Variants in BTNL8 observed in about 807,000 individuals in gnomAD.
BTNL8 encodes the protein butyrophilin like 8.
BTNL8 carries 22 observed loss-of-function variants against 36.1 expected under a neutral mutation model. The ratio of observed to expected loss-of-function variants is 0.61; its 90% confidence interval spans 0.44 to 0.87. The LOEUF (loss-of-function observed/expected upper bound fraction) is 0.87. Among genes scored for constraint, BTNL8 ranks in the 40% least tolerant of loss-of-function variants. BTNL8 has a pLI of 0.00. For synonymous variants in BTNL8, 203 were observed against 235.6 expected, an observed-to-expected ratio of 0.86 and a Z score of 1.27; for missense variants, 526 against 616.9, an observed-to-expected ratio of 0.85 and a Z score of 1.56.
chr5:180,911,177 G>C (rs928457270), intron 2 of BTNL8, among the ~76,000 whole-genome samples, 162 bp from the exon 3 acceptor site: 1 of 152,170 alleles, frequency 6.6e-6, no homozygotes, highest in Non-Finnish European at 1.5e-5. Context: ...AAATGGCAAC[G>C]AACAGAGGCC....
At chr5:180,948,810 C>T in intron 5 of BTNL8, 110 bp from the exon 6 acceptor site, 1 of 498,616 alleles carries the variant, frequency 2.0e-6, no homozygotes, top group Non-Finnish European at 3.5e-6. Flanking sequence ...CCAGGATAAA[C>T]TGGGTGAGAG....
chr5:180,928,646 A>C (rs1438897152), intron 3 of BTNL8, among the ~76,000 whole-genome samples: 2 of 152,208 alleles, frequency 1.3e-5, no homozygotes, highest in African/African-American at 4.8e-5. Flanking sequence ...AAAGCAGAAA[A>C]AAGCAGGCGT....
chr5:180,925,678 G>A (rs1758060859), intron 3 of BTNL8, among the ~76,000 whole-genome samples: 1 of 151,944 alleles, frequency 6.6e-6, no homozygotes, highest in Non-Finnish European at 1.5e-5. Context: ...AAAACAAAAG[G>A]ATTATAATAA....
chr5:180,935,781 C>T lies in BTNL8; in HGVS notation c.674-11731C>T, dbSNP rs985737371. On this transcript the variant is annotated intron_variant, in intron 3 of 7. Coordinates refer to ENST00000340184, the MANE Select transcript of BTNL8 (RefSeq NM_001040462.3). This position sits in a 1 kb window ranked among gnomAD's most constrained non-coding sequence, Gnocchi z 4.8. ...ATGGAGCACATGGCCCCAGCCACAC[C>T]TCCCCTGCTGCAGCCAGCATCTTCA... Among the ~76,000 whole-genome samples the T allele has an allele frequency of 2.6e-5, 4 of 152,192 alleles. No homozygotes were observed. Among genetic ancestry groups the T allele is most frequent in the African/African-American group, 9.7e-5 (4 of 41,438 alleles).
At position 180,948,930 on chromosome 5, in the gene BTNL8, A is replaced by C; in HGVS notation, c.819A>C (p.Arg273Ser). 4 of 829,342 alleles carry C rather than the reference A, an allele frequency of 4.8e-6. No homozygotes were observed. The highest frequency in any genetic ancestry group is 7.2e-6 in the Non-Finnish European group (4 of 552,562). The allele number at this position is 829,342 out of a possible 1,614,324, so 51.4% of individuals were successfully genotyped here. A position where few individuals can be genotyped will look rare whatever the true frequency, so the allele number is the denominator to read the frequency against. ...GTTTTTGTTTTTCAGACTGGAGAAG[A>C]AAGCACGGACAGGCAGGTAAAAGAA... Reference protein sequence around the residue: ...WKIQAELDWRRKHGQAELRDA... With the variant: ...WKIQAELDWRSKHGQAELRDA... Residue 273 changes from arginine (R) to serine (S), a missense_variant, in exon 6 of 8, where the codon AGA (arginine) becomes AGC (serine). Around this residue, in one of 2 missense-constraint regions of BTNL8, gnomAD observed 176 missense variants for 292.3 expected, o/e 0.60. Transcript: ENST00000340184.
chr5:180,935,895 A>G lies in BTNL8; in HGVS notation c.674-11617A>G, dbSNP rs559981686. Among the ~76,000 whole-genome samples the G allele has an allele frequency of 1.1e-3, 173 of 152,100 alleles. 2 individuals are homozygous for G. The highest frequency in any genetic ancestry group is 0.01 in the Middle Eastern group (3 of 290). ...CACTTTTCCTGCTAGATCAGGGACA[A>G]TACAAGAATGCCCATTCTTATAACT... On this transcript the variant is annotated intron_variant, in intron 3 of 7. Transcript: ENST00000340184. This position sits in a 1 kb window ranked among gnomAD's most constrained non-coding sequence, Gnocchi z 4.8.
intron 3 of BTNL8, among the ~76,000 whole-genome samples, chr5:180,924,603 CCTGT>C (rs2113814200): frequency 6.6e-6 from 1 of 152,200 alleles, no homozygotes; most frequent in East Asian, 1.9e-4. Context: ...CCCACATCTG[CCTGT>C]CTGAGGTTGC....
Position 180,950,283 on chromosome 5 carries a change from G to T in BTNL8, c.1242G>T (p.Glu414Asp), listed in dbSNP as rs1190891717. 6.8e-7 allele frequency: 1 copy of T among 1,463,738 alleles called. No individual in the cohort carries two copies. Among genetic ancestry groups the T allele is most frequent in the Non-Finnish European group, 9.4e-7 (1 of 1,059,136 alleles). 90.7% of individuals were successfully genotyped at this position (1,463,738 alleles called of 1,614,324 possible). A position where few individuals can be genotyped will look rare whatever the true frequency, so the allele number is the denominator to read the frequency against. The change falls in exon 8 of 8, where the codon GAG (glutamate) becomes GAT (aspartate). Residue 414 changes from glutamate to aspartate, a missense_variant. Coordinates refer to ENST00000340184, the MANE Select transcript of BTNL8 (RefSeq NM_001040462.3). ...PTKIGVFLDY[E>D]CGTISFFNIN... ...AAATAGGGGTCTTCCTGGACTATGA[G>T]TGTGGGACCATCTCCTTCTTCAACA...
intron 3 of BTNL8, among the ~76,000 whole-genome samples, chr5:180,916,555 A>T (rs561366905): frequency 1.3e-5 from 2 of 152,198 alleles, no homozygotes; most frequent in African/African-American, 4.8e-5. Flanking sequence ...AAAGATAAGT[A>T]AAATTGACAA....
chr5:180,923,254 A>T (rs1356667792), intron 3 of BTNL8, among the ~76,000 whole-genome samples: 1 of 152,120 alleles, frequency 6.6e-6, no homozygotes, highest in East Asian at 1.9e-4. Flanking sequence ...AATTTTATAA[A>T]CTCCAAGCAA....
chr5:180,928,532 G>A (rs1758210690), intron 3 of BTNL8, among the ~76,000 whole-genome samples: 1 of 152,106 alleles, frequency 6.6e-6, no homozygotes, highest in Non-Finnish European at 1.5e-5. Context: ...ATTTGATAAC[G>A]GGTCATGACC....
intron 2 of BTNL8, among the ~76,000 whole-genome samples, chr5:180,910,405 C>A (rs566839733): frequency 6.6e-6 from 1 of 152,226 alleles, no homozygotes; most frequent in African/African-American, 2.4e-5. Context: ...GCCTTCCTGC[C>A]CAGATAACAT....
At chr5:180,933,071 T>G (rs1758480737) in intron 3 of BTNL8, among the ~76,000 whole-genome samples, 1 of 149,208 alleles carries the variant, frequency 6.7e-6, no homozygotes, top group African/African-American at 2.4e-5. Flanking sequence ...TATGTAACTA[T>G]AAAAAGAGAA....
At chr5:180,942,366 C>T (rs373908123) in intron 3 of BTNL8, among the ~76,000 whole-genome samples, 3 of 152,208 alleles carry the variant, frequency 2.0e-5, no homozygotes, top group African/African-American at 7.2e-5. Flanking sequence ...ACCACACTAC[C>T]CAAAGTGATC....
intron 3 of BTNL8, among the ~76,000 whole-genome samples, chr5:180,933,265 A>G (rs1165142716): frequency 6.6e-6 from 1 of 152,226 alleles, no homozygotes; most frequent in Non-Finnish European, 1.5e-5. Context: ...ACACACAATC[A>G]ATAAGAAAAC....
At chr5:180,940,223 C>T (rs1758858850) in intron 3 of BTNL8, among the ~76,000 whole-genome samples, 1 of 151,838 alleles carries the variant, frequency 6.6e-6, no homozygotes, top group Non-Finnish European at 1.5e-5. Context: ...GCACTAATCC[C>T]AGCTACTCGG....
intron 3 of BTNL8, among the ~76,000 whole-genome samples, chr5:180,946,470 G>C (rs187624316): frequency 6.6e-6 from 1 of 152,284 alleles, no homozygotes; most frequent in East Asian, 1.9e-4. Flanking sequence ...GCAACTCCGA[G>C]GATAAACCTG....
intron 3 of BTNL8, among the ~76,000 whole-genome samples, chr5:180,932,248 G>A (rs546776574): frequency 1.2e-4 from 18 of 152,318 alleles, no homozygotes; most frequent in African/African-American, 3.8e-4. Context: ...GGAGAAATAC[G>A]TAATGTAGAT....
intron 1 of BTNL8, among the ~76,000 whole-genome samples, chr5:180,903,244 T>C (rs1269478715): frequency 5.0e-5 from 6 of 120,128 alleles, no homozygotes; most frequent in Admixed American, 4.9e-4. Context: ...TATCTCATTG[T>C]GGTTTTGATT....
Sources: gnomAD v4.1 joint callset for allele counts (sites outside exome capture counted in the v4.1 genomes callset) on GRCh38, gnomAD v4.1.1 for gene constraint, gnomAD v4.1.1 regional missense constraint, Gnocchi (gnomAD v3.1) non-coding constraint, MANE v1.5 for transcripts, NCBI Gene and HGNC (gene_info 2026-07-23, HGNC 2026-07-21) for gene names.